Variants in GSK3B observed in about 807,000 individuals in gnomAD.
The protein encoded by GSK3B is glycogen synthase kinase-3 beta.
GSK3B carries 15 observed loss-of-function variants against 56.4 expected under a neutral mutation model. That is an observed-to-expected ratio of 0.27 (90% CI 0.18 to 0.41). The LOEUF (loss-of-function observed/expected upper bound fraction) is 0.41. Among genes scored for constraint, GSK3B ranks in the 10% least tolerant of loss-of-function variants. The probability of loss-of-function intolerance (pLI) is 1.00; values close to 1 mark genes in which losing one functional copy is unlikely to be tolerated. For synonymous variants in GSK3B, 181 were observed against 188.9 expected (o/e 0.96, Z 0.34); for missense variants, 300 against 513.4 (o/e 0.58, Z 4.02).
intron 8 of GSK3B, among the ~76,000 whole-genome samples, chr3:119,867,153 G>A (rs1274688441): frequency 6.6e-6 from 1 of 152,144 alleles, no homozygotes; most frequent in Non-Finnish European, 1.5e-5. Flanking sequence ...TATTAGTGAT[G>A]AGAGGAAAGT....
At chr3:119,934,468 G>A (rs2056975616) in intron 3 of GSK3B, among the ~76,000 whole-genome samples, 1 of 152,192 alleles carries the variant, frequency 6.6e-6, no homozygotes, top group African/African-American at 2.4e-5. Flanking sequence ...ACCAAGGAAA[G>A]TCTAAGAAAC....
chr3:119,936,351 T>C (rs2056994453), intron 3 of GSK3B, among the ~76,000 whole-genome samples: 1 of 97,932 alleles, frequency 1.0e-5, no homozygotes, highest in African/African-American at 7.5e-5. Flanking sequence ...TATATATATA[T>C]ATATTTTTTT....
intron 7 of GSK3B, among the ~76,000 whole-genome samples, chr3:119,903,187 G>A (rs910032562): frequency 6.6e-6 from 1 of 152,134 alleles, no homozygotes; most frequent in African/African-American, 2.4e-5. Context: ...ATAAATGGAT[G>A]GTAAACTACT....
chr3:120,015,885 G>A (rs1257391464), intron 1 of GSK3B, among the ~76,000 whole-genome samples: 2 of 152,066 alleles, frequency 1.3e-5, no homozygotes, highest in East Asian at 3.9e-4. Context: ...TTCCTGGGGA[G>A]AAGATATATA....
chr3:119,945,278 C>G (rs764056511), intron 3 of GSK3B, among the ~76,000 whole-genome samples: 1 of 152,024 alleles, frequency 6.6e-6, no homozygotes, highest in Non-Finnish European at 1.5e-5. Flanking sequence ...ATGAAGCTAT[C>G]CCAAAATTAG....
intron 3 of GSK3B, among the ~76,000 whole-genome samples, chr3:119,939,687 T>C (rs1467542958): frequency 6.6e-6 from 1 of 152,148 alleles, no homozygotes; most frequent in African/African-American, 2.4e-5. Flanking sequence ...TAAGGCAGCA[T>C]TATCAGTGAA....
At chr3:119,946,437 A>G (rs958433465) in intron 3 of GSK3B, among the ~76,000 whole-genome samples, 6 of 152,218 alleles carry the variant, frequency 3.9e-5, no homozygotes, top group African/African-American at 1.2e-4. Context: ...TTATGGATCT[A>G]AGAACATTAG....
rs188376218 is a variant in GSK3B, at chr3:119,907,582, T to G, written c.716-1730A>C. Among the ~76,000 whole-genome samples, 5 of 152,258 alleles carry G rather than the reference T, an allele frequency of 3.3e-5. No homozygotes were observed. In the East Asian group the frequency reaches 9.7e-4, roughly 29 times the overall value. ...TCTCCAGATAGAATAAAACTTCAAC[T>G]AAATAGAAGGTACCGGAAAAATAGA... On this transcript the variant is annotated intron_variant, in intron 6 of 10. Coordinates refer to ENST00000264235, the MANE Select transcript of GSK3B (RefSeq NM_001146156.2).
chr3:120,078,229 G>A (rs775263045), intron 1 of GSK3B, among the ~76,000 whole-genome samples: 3 of 152,056 alleles, frequency 2.0e-5, no homozygotes, highest in Non-Finnish European at 2.9e-5. Flanking sequence ...TCAGCTATAT[G>A]TAAGAAATTA....
At chr3:120,033,792 T>G (rs535000827) in intron 1 of GSK3B, among the ~76,000 whole-genome samples, 8 of 152,236 alleles carry the variant, frequency 5.3e-5, no homozygotes, top group South Asian at 4.1e-4. Context: ...TCGCTCGCTC[T>G]CTCTCTCTCT....
intron 7 of GSK3B, among the ~76,000 whole-genome samples, chr3:119,900,478 C>T (rs572368739): frequency 6.6e-6 from 1 of 152,098 alleles, no homozygotes; most frequent in African/African-American, 2.4e-5. Flanking sequence ...AAACTCTGGA[C>T]TGAAATTCAT....
At chr3:120,033,817 G>A (rs1462265567) in intron 1 of GSK3B, among the ~76,000 whole-genome samples, 1 of 152,018 alleles carries the variant, frequency 6.6e-6, no homozygotes, top group Admixed American at 6.6e-5. Flanking sequence ...CTCCACCACG[G>A]TAAGATGTGC....
Position 119,947,157 on chromosome 3 carries a change from G to A in GSK3B, c.366+111C>T, listed in dbSNP as rs138428704. The A allele has an allele frequency of 3.8e-4, 262 of 691,238 alleles. 2 individuals are homozygous for A. The East Asian group carries it at 5.4e-3, about 14-fold the overall frequency. The allele number at this position is 691,238 out of a possible 1,614,324, so 42.8% of individuals were successfully genotyped here. On this transcript the variant is annotated intron_variant, in intron 3 of 10. Coordinates refer to ENST00000264235, the MANE Select transcript of GSK3B (RefSeq NM_001146156.2). ...TGAGTATTGCTGGGGCAAGTGTTTCGGAATTTTTCCATTCCATTAGCAAAA... is the reference window on the plus strand; with the variant it reads ...TGAGTATTGCTGGGGCAAGTGTTTCAGAATTTTTCCATTCCATTAGCAAAA...
intron 2 of GSK3B, among the ~76,000 whole-genome samples, chr3:119,955,804 C>T (rs2057208236): frequency 6.6e-6 from 1 of 152,082 alleles, no homozygotes; most frequent in Admixed American, 6.6e-5. Flanking sequence ...CAGGCGCCTG[C>T]CACCACGCCT....
chr3:120,081,152 C>G (rs2058415817), intron 1 of GSK3B, among the ~76,000 whole-genome samples: 1 of 152,096 alleles, frequency 6.6e-6, no homozygotes, highest in Admixed American at 6.5e-5. Context: ...AGTCATCCAT[C>G]CAAAGATTTC....
intron 3 of GSK3B, among the ~76,000 whole-genome samples, chr3:119,942,601 T>C (rs2057060893): frequency 6.6e-6 from 1 of 152,158 alleles, no homozygotes; most frequent in Non-Finnish European, 1.5e-5. Context: ...GTTTTTATCA[T>C]ATGATCTTCA....
chr3:120,036,771 C>T (rs571357170), intron 1 of GSK3B, among the ~76,000 whole-genome samples: 28 of 118,044 alleles, frequency 2.4e-4, no homozygotes, highest in African/African-American at 8.2e-4. Flanking sequence ...CCAGCCTGGG[C>T]GACAGAGTAA....
At chr3:119,911,481 CA>C (rs1188186805) in intron 6 of GSK3B, among the ~76,000 whole-genome samples, 3 of 152,142 alleles carry the variant, frequency 2.0e-5, no homozygotes, top group Non-Finnish European at 4.4e-5. Flanking sequence ...ACAAGAGAGT[CA>C]ACCTGTCCTT....
At chr3:119,871,667 T>C (rs2056251113) in intron 8 of GSK3B, among the ~76,000 whole-genome samples, 1 of 151,918 alleles carries the variant, frequency 6.6e-6, no homozygotes, top group South Asian at 2.1e-4. Flanking sequence ...AAGAACATTC[T>C]AAGACAGTGG....
Sources: gnomAD v4.1 joint callset for allele counts (sites outside exome capture counted in the v4.1 genomes callset) on GRCh38, gnomAD v4.1.1 for gene constraint, MANE v1.5 for transcripts, NCBI Gene and HGNC (gene_info 2026-07-23, HGNC 2026-07-21) for gene names.